Variants in COL25A1 observed in about 807,000 individuals in gnomAD.
COL25A1 encodes the protein collagen type XXV alpha 1 chain, also known as collagen alpha-1(XXV) chain.
A neutral mutation model predicts 128.4 loss-of-function variants in COL25A1; 103 were observed. The ratio of observed to expected loss-of-function variants is 0.80; its 90% CI spans 0.68 to 0.94. The LOEUF is 0.94. Among genes scored for constraint, COL25A1 ranks in the 40% least tolerant of loss-of-function variants. The pLI is 0.00. For missense variants in COL25A1, 745 were observed against 840.0 expected (o/e 0.89, Z 1.40); for synonymous variants, 279 against 277.2 (o/e 1.01, Z -0.06).
chr4:109,202,446 C>T (rs1338230901), intron 3 of COL25A1, among the ~76,000 whole-genome samples: 1 of 151,904 alleles, frequency 6.6e-6, no homozygotes, highest in Non-Finnish European at 1.5e-5. Context: ...GACCTTACAC[C>T]TTTCACAAAG....
chr4:109,178,284 A>G (rs1442643315), intron 3 of COL25A1, among the ~76,000 whole-genome samples: 2 of 152,178 alleles, frequency 1.3e-5, no homozygotes, highest in African/African-American at 4.8e-5. Flanking sequence ...TACGTTGGGT[A>G]AGGATTTATT....
chr4:109,070,835 T>C (rs183097232), intron 3 of COL25A1, among the ~76,000 whole-genome samples: 2 of 152,198 alleles, frequency 1.3e-5, no homozygotes, highest in African/African-American at 4.8e-5. Flanking sequence ...GGTTTCCAGC[T>C]TCATCCACGT....
intron 13 of COL25A1, among the ~76,000 whole-genome samples, chr4:108,915,174 A>G (rs1336488202): frequency 1.3e-5 from 2 of 152,244 alleles, no homozygotes; most frequent in African/African-American, 4.8e-5. Context: ...AGAAGAACTG[A>G]AAGACCATTA....
intron 3 of COL25A1, among the ~76,000 whole-genome samples, chr4:109,059,408 T>C (rs1008391820): frequency 1.3e-5 from 2 of 152,216 alleles, no homozygotes; most frequent in African/African-American, 2.4e-5. Flanking sequence ...GTGTATTTTC[T>C]GACACAAAAA....
intron 3 of COL25A1, among the ~76,000 whole-genome samples, chr4:109,193,278 GA>G (rs111851704): frequency 3.1e-4 from 46 of 146,408 alleles, no homozygotes; most frequent in African/African-American, 7.0e-4. Context: ...GCTGGTTTAA[GA>G]AAAAAAAAAA....
chr4:109,197,317 CCCTG>C (rs1210720789), intron 3 of COL25A1, among the ~76,000 whole-genome samples: 1 of 137,970 alleles, frequency 7.2e-6, no homozygotes, highest in Non-Finnish European at 1.5e-5. Context: ...CAGAGAAAGA[CCCTG>C]TCTCAAGTAT....
chr4:109,180,006 T>C (rs1232817313), intron 3 of COL25A1, among the ~76,000 whole-genome samples: 1 of 152,174 alleles, frequency 6.6e-6, no homozygotes, highest in Non-Finnish European at 1.5e-5. Flanking sequence ...GGGTAAAATG[T>C]TAACACTCTG....
chr4:109,136,765 A>G (rs1017836508), intron 3 of COL25A1, among the ~76,000 whole-genome samples: 6 of 152,238 alleles, frequency 3.9e-5, no homozygotes, highest in African/African-American at 1.4e-4. Flanking sequence ...TGCAGTCGTC[A>G]GCCCTTGCAT....
rs149485871 is a variant in COL25A1 at position 109,083,445 on chromosome 4, T to TA, written c.368-33267dup. Among the ~76,000 whole-genome samples the TA allele has an allele frequency of 3.7e-3, 373 of 100,580 alleles. 4 individuals are homozygous for TA. The highest frequency in any genetic ancestry group is 9.6e-3 in the East Asian group (27 of 2,808). 66.0% of individuals were successfully genotyped at this position (100,580 alleles called of 152,430 possible). A position where few individuals can be genotyped will look rare whatever the true frequency, so the allele number is the denominator to read the frequency against. On this transcript the variant is annotated intron_variant, in intron 3 of 37. Coordinates refer to ENST00000399132, the MANE Select transcript of COL25A1 (RefSeq NM_198721.4). ...AAACACCAATAACTTTTACACTAAA[T>TA]AAATTTTTTTTTTTTTTTTTTTTTT...
intron 3 of COL25A1, among the ~76,000 whole-genome samples, chr4:109,091,820 C>A (rs1764933830): frequency 6.6e-6 from 1 of 151,906 alleles, no homozygotes; most frequent in Non-Finnish European, 1.5e-5. Context: ...GGGCAGGACA[C>A]ATCACCACTT....
At chr4:108,854,718 G>T (rs1024864697) in intron 24 of COL25A1, among the ~76,000 whole-genome samples, 1 of 152,124 alleles carries the variant, frequency 6.6e-6, no homozygotes, top group African/African-American at 2.4e-5. Flanking sequence ...AACAACAGAT[G>T]CTGAAAAGGA....
chr4:109,149,942 ATG>A (rs113005218), intron 3 of COL25A1, among the ~76,000 whole-genome samples: 43 of 148,368 alleles, frequency 2.9e-4, no homozygotes, highest in Admixed American at 4.7e-4. Flanking sequence ...ATGTGTATGT[ATG>A]TGTGTGTGTG....
chr4:109,055,435 C>T (rs910693865), intron 3 of COL25A1, among the ~76,000 whole-genome samples: 2 of 152,114 alleles, frequency 1.3e-5, no homozygotes, highest in East Asian at 1.9e-4. Context: ...CCAACAGAGG[C>T]GAAACAACCT....
rs541497657 is a variant in COL25A1, at chr4:108,859,990, A to G, written c.1243-257T>C. Reference sequence around the variant, plus strand: ...TAAAAAATACGATTTAATTTTTGAAACTATTTTCTGAAAATTACAATATAG... The same window carrying G: ...TAAAAAATACGATTTAATTTTTGAAGCTATTTTCTGAAAATTACAATATAG... On this transcript the variant is annotated intron_variant, in intron 23 of 37. Transcript: ENST00000399132. Among the ~76,000 whole-genome samples, 105 of 152,336 alleles carry G rather than the reference A, an allele frequency of 6.9e-4. No individual in the cohort carries two copies. The Middle Eastern group carries it at 0.014, about 20-fold the overall frequency.
intron 6 of COL25A1, among the ~76,000 whole-genome samples, chr4:108,982,636 T>C (rs893060381): frequency 1.3e-5 from 2 of 152,194 alleles, no homozygotes; most frequent in Non-Finnish European, 2.9e-5. Flanking sequence ...GAATTATAGC[T>C]ATAAACAGAT....
intron 31 of COL25A1, among the ~76,000 whole-genome samples, chr4:108,834,910 G>C (rs1019886714): frequency 6.6e-6 from 1 of 152,192 alleles, no homozygotes; most frequent in Non-Finnish European, 1.5e-5. Context: ...ATGTTAGGAT[G>C]ACTCTTAGTG....
At chr4:109,068,915 C>T (rs552354026) in intron 3 of COL25A1, among the ~76,000 whole-genome samples, 1 of 151,968 alleles carries the variant, frequency 6.6e-6, no homozygotes, top group Non-Finnish European at 1.5e-5. Flanking sequence ...AAATATGTCA[C>T]ATATTTACAT....
intron 3 of COL25A1, among the ~76,000 whole-genome samples, chr4:109,245,841 A>G (rs976955436): frequency 1.7e-4 from 26 of 152,140 alleles, no homozygotes; most frequent in African/African-American, 5.3e-4. Context: ...CAATGATTAA[A>G]GACAGGCAAG....
At chr4:108,972,592 C>A (rs569606436) in intron 8 of COL25A1, among the ~76,000 whole-genome samples, 3 of 152,294 alleles carry the variant, frequency 2.0e-5, no homozygotes, top group African/African-American at 7.2e-5. Context: ...CATTTAGATT[C>A]GTACCCATGA....
Sources: gnomAD v4.1 joint callset for allele counts (sites outside exome capture counted in the v4.1 genomes callset) on GRCh38, gnomAD v4.1.1 for gene constraint, MANE v1.5 for transcripts, NCBI Gene and HGNC (gene_info 2026-07-23, HGNC 2026-07-21) for gene names.